SEPTIN12: variants seen among roughly 807,000 people sequenced by gnomAD.
SEPTIN12 encodes the protein septin-12.
A neutral mutation model predicts 37.7 loss-of-function variants in SEPTIN12; 42 were observed. That is an observed-to-expected ratio of 1.11 (90% CI 0.87 to 1.44). SEPTIN12 has a LOEUF of 1.44. SEPTIN12 is among the 40% of genes most tolerant of loss of function. The pLI is 0.00. For missense variants in SEPTIN12, 613 were observed against 479.2 expected (o/e 1.28, Z -2.61); for synonymous variants, 254 against 196.7 (o/e 1.29, Z -2.44).
rs2082405227 is a variant in SEPTIN12, at chr16:4,784,020, C to T, written c.423G>A (p.Leu141=). ...GYINEQYEQY[L]QEEILITRQR... ...GGCGGGTGATGAGGATCTCCTCCTG[C>T]AGGTACTGCTCGTATTGCTCGTTGA... is the stretch of plus-strand genomic sequence containing the variant. The change falls in exon 5 of 10, where the codon CTG becomes CTA. Residue 141 remains leucine (L), a synonymous_variant. Transcript: ENST00000268231. 1.9e-6 allele frequency: 3 copies of T among 1,614,070 alleles called. No individual in the cohort carries two copies. The African/African-American group carries it at 4.0e-5, about 22-fold the overall frequency.
At chr16:4,784,167 C>A in intron 4 of SEPTIN12, 99 bp from the exon 5 acceptor site, 2 of 1,426,158 alleles carry the variant, frequency 1.4e-6, no homozygotes, top group South Asian at 2.4e-5. Context: ...CTTGGGACGA[C>A]GAATCGTCCC....
chr16:4,783,797 C>T (rs780084895), intron 5 of SEPTIN12, 31 bp from the exon 6 acceptor site: 59 of 1,568,478 alleles, frequency 3.8e-5, no homozygotes, highest in Non-Finnish European at 4.6e-5. Flanking sequence ...ATGGGGGTGG[C>T]GGTGGTGGTG....
upstream of SEPTIN12, among the ~76,000 whole-genome samples, chr16:4,790,766 G>C (rs188118058): frequency 7.2e-5 from 11 of 152,312 alleles, no homozygotes; most frequent in African/African-American, 2.4e-4. Context: ...TCCAGCCTGG[G>C]CGACAGAGTA....
In SEPTIN12 at chr16:4,779,681, C is replaced by G; in HGVS notation, c.823+9G>C. 6.3e-7 allele frequency: 1 copy of G among 1,592,222 alleles called. No individual in the cohort carries two copies. The highest frequency in any genetic ancestry group is 8.6e-7 in the Non-Finnish European group (1 of 1,160,440). ...CCACCTGCATCCTACCCAGGGGCCCCGCACTGACCTTCAATGATGCCCCAC... is the reference window on the plus strand; with the variant it reads ...CCACCTGCATCCTACCCAGGGGCCCGGCACTGACCTTCAATGATGCCCCAC... On this transcript the variant is annotated intron_variant, in intron 8 of 9. Coordinates refer to ENST00000268231, the MANE Select transcript of SEPTIN12 (RefSeq NM_144605.5).
chr16:4,783,030 C>T (rs575703602), intron 7 of SEPTIN12, among the ~76,000 whole-genome samples: 13 of 152,174 alleles, frequency 8.5e-5, no homozygotes, highest in African/African-American at 3.1e-4. Context: ...GCTTCAGCCT[C>T]CTGAGTAGCT....
At chr16:4,791,199 G>T (rs150395754), upstream of SEPTIN12, among the ~76,000 whole-genome samples, 185 of 152,360 alleles carry the variant, frequency 1.2e-3, 1 homozygote, top group African/African-American at 4.4e-3. Context: ...CTGGGTGCCA[G>T]TAGGGACTGC....
intron 7 of SEPTIN12, among the ~76,000 whole-genome samples, chr16:4,782,502 GT>G (rs1434814170): frequency 6.6e-6 from 1 of 152,172 alleles, no homozygotes; most frequent in East Asian, 1.9e-4. Context: ...GTAACTGCAT[GT>G]TTAAGCATTT....
At chr16:4,786,408 G>A (rs915687175) in intron 2 of SEPTIN12, among the ~76,000 whole-genome samples, 2 of 149,062 alleles carry the variant, frequency 1.3e-5, no homozygotes, top group African/African-American at 5.0e-5. Context: ...AGGCTGGAGC[G>A]CGATGGTGGG....
At chr16:4,784,510 C>T (rs2082412189) in intron 4 of SEPTIN12, among the ~76,000 whole-genome samples, 1 of 151,168 alleles carries the variant, frequency 6.6e-6, no homozygotes, top group Non-Finnish European at 1.5e-5. Context: ...TGGCTCATGC[C>T]TGTAATCCCA....
At chr16:4,787,817 CA>C (rs1338356908) in intron 1 of SEPTIN12, 150 bp from the exon 2 acceptor site, 9 of 593,070 alleles carry the variant, frequency 1.5e-5, no homozygotes, top group Non-Finnish European at 2.7e-5. Context: ...CCTGTAGTCC[CA>C]GGGGTGTGGC....
chr16:4,781,165 A>G (rs561992927), intron 7 of SEPTIN12, among the ~76,000 whole-genome samples: 2 of 150,540 alleles, frequency 1.3e-5, no homozygotes, highest in South Asian at 4.4e-4. Flanking sequence ...AGGCTGAGGC[A>G]GGAGAATCGC....
upstream of SEPTIN12, among the ~76,000 whole-genome samples, chr16:4,789,733 A>G (rs561643986): frequency 7.0e-4 from 107 of 151,930 alleles, no homozygotes; most frequent in Non-Finnish European, 1.4e-3. Context: ...TGCTGAGATT[A>G]CAGACGTGAA....
chr16:4,782,739 G>A (rs1053786350), intron 7 of SEPTIN12, among the ~76,000 whole-genome samples: 1 of 151,914 alleles, frequency 6.6e-6, no homozygotes, highest in African/African-American at 2.4e-5. Context: ...GAGTAGCTGG[G>A]CTTACAGGCA....
chr16:4,784,372 A>C, intron 4 of SEPTIN12: 1 of 370,308 alleles, frequency 2.7e-6, no homozygotes, highest in Non-Finnish European at 5.1e-6. Flanking sequence ...CCAAACCACC[A>C]AGGAATCGCG....
intron 4 of SEPTIN12, 101 bp from the exon 5 acceptor site, chr16:4,784,169 A>T: frequency 3.6e-6 from 5 of 1,402,546 alleles, no homozygotes; most frequent in Non-Finnish European, 5.0e-6. Flanking sequence ...TGGGACGACG[A>T]ATCGTCCCGG....
At chr16:4,787,692 G>C in intron 1 of SEPTIN12, 25 bp from the exon 2 acceptor site, 3 of 958,944 alleles carry the variant, frequency 3.1e-6, no homozygotes, top group Non-Finnish European at 4.7e-6. Context: ...GTGGGGAGAA[G>C]GGGGTCACTG....
chr16:4,779,758 G>A lies in SEPTIN12; in HGVS notation c.755C>T (p.Ala252Val). ...CCCGTTCACCAGGTGCTCTTGGTCA[G>A]CCCCTACCACGGCAAAAGGGATTCG... is the stretch of plus-strand genomic sequence containing the variant. ...RDRIPFAVVG[A>V]DQEHLVNGRC... Residue 252 changes from alanine to valine, a missense_variant, in exon 8 of 10, where the codon GCT (alanine) becomes GTT (valine). By Grantham distance (64) the Ala-to-Val change is moderately conservative. Coordinates refer to ENST00000268231, the MANE Select transcript of SEPTIN12 (RefSeq NM_144605.5). 1.2e-6 allele frequency: 2 copies of A among 1,613,350 alleles called. No individual in the cohort carries two copies. Among genetic ancestry groups the A allele is most frequent in the African/African-American group, 1.3e-5 (1 of 75,028 alleles).
At chr16:4,790,192 G>A (rs530804889), upstream of SEPTIN12, 1 of 152,150 alleles carries the variant, frequency 6.6e-6, no homozygotes, top group Non-Finnish European at 1.5e-5. Context: ...ACCACACTCA[G>A]GCTGGCAAGT....
chr16:4,785,914 G>C (rs747632468), intron 3 of SEPTIN12, 26 bp from the exon 4 acceptor site: 106 of 1,512,796 alleles, frequency 7.0e-5, no homozygotes, highest in Non-Finnish European at 9.3e-5. Flanking sequence ...AGAGTCGGGA[G>C]AGACTGGACC....
Sources: allele counts gnomAD v4.1 joint callset (sites outside exome capture counted in the v4.1 genomes callset), GRCh38; gene constraint gnomAD v4.1.1; transcripts MANE v1.5; gene names NCBI Gene and HGNC (gene_info 2026-07-23, HGNC 2026-07-21).